FAM227B: variants seen among roughly 807,000 people sequenced by gnomAD.
The protein encoded by FAM227B is protein FAM227B.
In FAM227B, 88 loss-of-function variants were observed where a neutral mutation model predicts 73.8. That is an observed-to-expected ratio of 1.19 (90% CI 1.00 to 1.42). FAM227B has a LOEUF of 1.42. Ranked by LOEUF, FAM227B falls within the 40% of genes most tolerant of loss-of-function variation. The pLI, the probability that FAM227B is intolerant of heterozygous loss-of-function variation, is 0.00. For missense variants in FAM227B, 632 were observed against 590.9 expected (o/e 1.07, Z -0.72); for synonymous variants, 210 against 190.5 (o/e 1.10, Z -0.84).
chr15:49,406,396 C>T (rs1463159283), intron 11 of FAM227B, among the ~76,000 whole-genome samples: 1 of 152,110 alleles, frequency 6.6e-6, no homozygotes, highest in African/African-American at 2.4e-5. Flanking sequence ...CTGCTGGTGA[C>T]TGCAGGCGGT....
chr15:49,577,279 A>G, intron 6 of FAM227B: 1 of 355,512 alleles, frequency 2.8e-6, no homozygotes. Context: ...CCTGGGCCAC[A>G]GAGTGAGGCC....
intron 9 of FAM227B, among the ~76,000 whole-genome samples, chr15:49,562,101 G>C (rs2074308675): frequency 6.6e-6 from 1 of 151,956 alleles, no homozygotes; most frequent in South Asian, 2.1e-4. Flanking sequence ...TAGACCACTA[G>C]CTAGATTAAT....
rs547340663 is a variant in FAM227B, at chr15:49,330,471, G to T, written c.1419+1309C>A. 1.1e-4 allele frequency: 17 copies of T among 152,254 alleles called. 1 individual carries two copies. In the East Asian group the frequency reaches 3.3e-3, roughly 29 times the overall value. The allele number at this position is 152,254 out of a possible 1,614,324, so 9.4% of individuals were successfully genotyped here. A position where few individuals can be genotyped will look rare whatever the true frequency, so the allele number is the denominator to read the frequency against. ...TACTCAGAATCTGGATTACTGAGTG[G>T]TGGAATATCTGATACTACTTGTCCA... On this transcript the variant is annotated intron_variant, in intron 15 of 15. Transcript: ENST00000299338.
At chr15:49,537,272 T>C (rs1263729567) in intron 10 of FAM227B, among the ~76,000 whole-genome samples, 2 of 152,044 alleles carry the variant, frequency 1.3e-5, no homozygotes, top group Non-Finnish European at 2.9e-5. Context: ...GAATAGACAT[T>C]CCTTCAAAGA....
At chr15:49,424,852 C>G (rs1257512539) in intron 11 of FAM227B, 2 of 239,892 alleles carry the variant, frequency 8.3e-6, no homozygotes, top group East Asian at 7.7e-5. Flanking sequence ...ATAAGTTAAG[C>G]AAAATGTAAA....
chr15:49,557,512 A>G (rs543580265), intron 9 of FAM227B, among the ~76,000 whole-genome samples: 1 of 152,190 alleles, frequency 6.6e-6, no homozygotes, highest in Non-Finnish European at 1.5e-5. Flanking sequence ...CACTGCTCTC[A>G]TGGAGATGAA....
intron 11 of FAM227B, among the ~76,000 whole-genome samples, chr15:49,452,003 T>C (rs1395372932): frequency 2.0e-5 from 3 of 152,030 alleles, no homozygotes; most frequent in African/African-American, 7.2e-5. Context: ...ATATCTTATA[T>C]CACTACTTGA....
chr15:49,571,003 A>G (rs889135412), intron 8 of FAM227B, among the ~76,000 whole-genome samples: 15 of 150,408 alleles, frequency 1.0e-4, no homozygotes, highest in Non-Finnish European at 1.8e-4. Context: ...GGTTGCTTTC[A>G]TATCTCGGTT....
intron 11 of FAM227B, among the ~76,000 whole-genome samples, chr15:49,409,057 T>G (rs2048706297): frequency 6.6e-6 from 1 of 152,200 alleles, no homozygotes; most frequent in South Asian, 2.1e-4. Context: ...TTTCTGCAAA[T>G]GTTTGTCATC....
At chr15:49,351,631 A>G (rs1385329747) in intron 13 of FAM227B, among the ~76,000 whole-genome samples, 1 of 152,240 alleles carries the variant, frequency 6.6e-6, no homozygotes, top group Non-Finnish European at 1.5e-5. Context: ...GACAAAGATC[A>G]GCGTGTAGGA....
chr15:49,518,200 A>C (rs2059518291), intron 10 of FAM227B, among the ~76,000 whole-genome samples: 1 of 152,226 alleles, frequency 6.6e-6, no homozygotes, highest in South Asian at 2.1e-4. Flanking sequence ...CAGCTTTAGT[A>C]GATATTGGCA....
chr15:49,589,630 T>C (rs560479850), intron 4 of FAM227B, 146 bp downstream of exon 4: 1 of 597,980 alleles, frequency 1.7e-6, no homozygotes, highest in East Asian at 2.9e-5. Flanking sequence ...AAATAAGGAC[T>C]GGCCAGGTGC....
At chr15:49,587,287 A>G (rs1483945782) in intron 5 of FAM227B, among the ~76,000 whole-genome samples, 1 of 152,274 alleles carries the variant, frequency 6.6e-6, no homozygotes, top group East Asian at 1.9e-4. Flanking sequence ...TTATGAGAAC[A>G]CATGAACTCA....
At chr15:49,356,152 A>C (rs1434194053) in intron 13 of FAM227B, among the ~76,000 whole-genome samples, 1 of 152,216 alleles carries the variant, frequency 6.6e-6, no homozygotes, top group Non-Finnish European at 1.5e-5. Flanking sequence ...AAATGTAAAG[A>C]CCATCGAGAC....
chr15:49,335,910 T>C (rs180914844), intron 13 of FAM227B, among the ~76,000 whole-genome samples: 5 of 152,292 alleles, frequency 3.3e-5, no homozygotes, highest in Admixed American at 3.3e-4. Flanking sequence ...TGGAGTGTGG[T>C]AACATGATCA....
At chr15:49,503,715 A>G (rs1023743407) in intron 11 of FAM227B, among the ~76,000 whole-genome samples, 3 of 152,172 alleles carry the variant, frequency 2.0e-5, no homozygotes, top group Non-Finnish European at 4.4e-5. Flanking sequence ...GCAAATCAAA[A>G]CCACAATGAG....
chr15:49,353,374 T>A (rs1310769882), intron 13 of FAM227B: 2 of 152,162 alleles, frequency 1.3e-5, no homozygotes, highest in Admixed American at 1.3e-4. Context: ...GTGTCTCTGT[T>A]TTTCCTCTTT....
chr15:49,590,281 C>T (rs888826127), intron 3 of FAM227B, among the ~76,000 whole-genome samples: 1 of 152,186 alleles, frequency 6.6e-6, no homozygotes, highest in Non-Finnish European at 1.5e-5. Context: ...AAACATTCTC[C>T]TACATAATAA....
intron 13 of FAM227B, among the ~76,000 whole-genome samples, chr15:49,350,768 AAT>A (rs2042125823): frequency 6.6e-6 from 1 of 152,162 alleles, no homozygotes. Context: ...CTCCAAGGTG[AAT>A]ATGACTTTTC....
Sources: allele counts gnomAD v4.1 joint callset (sites outside exome capture counted in the v4.1 genomes callset), GRCh38; gene constraint gnomAD v4.1.1; transcripts MANE v1.5; gene names NCBI Gene and HGNC (gene_info 2026-07-23, HGNC 2026-07-21).